Variants in TRPC7 observed in about 807,000 individuals in gnomAD.
The protein encoded by TRPC7 is short transient receptor potential channel 7.
A neutral mutation model predicts 90.1 loss-of-function variants in TRPC7; 42 were observed. That is an observed-to-expected ratio of 0.47 (90% CI 0.36 to 0.60). The LOEUF (loss-of-function observed/expected upper bound fraction) is 0.60. Ranked by LOEUF, TRPC7 falls within the 20% of genes least tolerant of loss-of-function variation. The pLI, the probability that TRPC7 is intolerant of heterozygous loss-of-function variation, is 0.00. For missense variants in TRPC7, 955 were observed against 1,112.3 expected, an observed-to-expected ratio of 0.86 and a Z score of 2.01; for synonymous variants, 451 against 436.3, an observed-to-expected ratio of 1.03 and a Z score of -0.42.
intron 3 of TRPC7, among the ~76,000 whole-genome samples, chr5:136,308,913 T>C (rs1758737604): frequency 6.6e-6 from 1 of 152,156 alleles, no homozygotes; most frequent in Admixed American, 6.5e-5. Flanking sequence ...CTATTAATAG[T>C]TTCATCTGCT....
At chr5:136,250,470 T>C (rs1434005997) in intron 6 of TRPC7, among the ~76,000 whole-genome samples, 2 of 152,344 alleles carry the variant, frequency 1.3e-5, no homozygotes, top group East Asian at 3.9e-4. Context: ...GCCTACTAAG[T>C]GTCCAGCTGC....
intron 7 of TRPC7, among the ~76,000 whole-genome samples, chr5:136,239,770 A>T (rs370745684): frequency 2.0e-5 from 3 of 152,198 alleles, no homozygotes; most frequent in African/African-American, 7.2e-5. Flanking sequence ...CTCCTTTTGT[A>T]GCTGCCTTTC....
chr5:136,318,472 A>G (rs1380835290), intron 2 of TRPC7, among the ~76,000 whole-genome samples: 2 of 152,114 alleles, frequency 1.3e-5, no homozygotes, highest in African/African-American at 2.4e-5. Context: ...GCTCTTCCTT[A>G]TATCTGCCAC....
intron 3 of TRPC7, among the ~76,000 whole-genome samples, chr5:136,307,014 C>T (rs900818659): frequency 6.6e-6 from 1 of 152,084 alleles, no homozygotes; most frequent in Non-Finnish European, 1.5e-5. Flanking sequence ...TTCACACGGA[C>T]ATGCATGAAA....
At chr5:136,325,652 G>A (rs971041652) in intron 2 of TRPC7, among the ~76,000 whole-genome samples, 4 of 152,144 alleles carry the variant, frequency 2.6e-5, no homozygotes, top group African/African-American at 9.7e-5. Context: ...GGAACTTAAG[G>A]CCAATTCATG....
chr5:136,319,210 A>G (rs977900522), intron 2 of TRPC7, among the ~76,000 whole-genome samples: 1 of 152,122 alleles, frequency 6.6e-6, no homozygotes, highest in Non-Finnish European at 1.5e-5. Flanking sequence ...TTTATCAAGA[A>G]ATAGAAGTCA....
At position 136,213,211 on chromosome 5, in the gene TRPC7, C is replaced by A; in HGVS notation, c.*224G>T. The A allele has an allele frequency of 1.8e-6, 1 of 550,272 alleles. No homozygotes were observed. The highest frequency in any genetic ancestry group is 3.1e-5 in the East Asian group (1 of 32,470). 34.1% of individuals were successfully genotyped at this position (550,272 alleles called of 1,614,324 possible). On this transcript the variant is annotated 3_prime_UTR_variant, in exon 12 of 12. Transcript: ENST00000513104. ...TCAGGGGGCTGTTCCTCCCCTCCTCCCATGGTAGCTTTTCTTACCCAACCA... is the reference window on the plus strand; with the variant it reads ...TCAGGGGGCTGTTCCTCCCCTCCTCACATGGTAGCTTTTCTTACCCAACCA...
At chr5:136,359,576 C>T (rs1760502479) in intron 1 of TRPC7, among the ~76,000 whole-genome samples, 1 of 152,156 alleles carries the variant, frequency 6.6e-6, no homozygotes, top group Non-Finnish European at 1.5e-5. Flanking sequence ...GTACCAAAGG[C>T]AGACTGTGGA....
At chr5:136,220,718 C>T (rs1189518792) in intron 10 of TRPC7, among the ~76,000 whole-genome samples, 2 of 152,264 alleles carry the variant, frequency 1.3e-5, no homozygotes, top group South Asian at 4.1e-4. Flanking sequence ...GGCATATGAT[C>T]TTTGTTCTCC....
At chr5:136,292,208 C>T (rs1024111469) in intron 3 of TRPC7, among the ~76,000 whole-genome samples, 2 of 152,144 alleles carry the variant, frequency 1.3e-5, no homozygotes, top group East Asian at 1.9e-4. Flanking sequence ...CTAAAATTGA[C>T]ACCCTAACAT....
intron 2 of TRPC7, among the ~76,000 whole-genome samples, chr5:136,351,544 C>T (rs893822034): frequency 6.6e-6 from 1 of 152,218 alleles, no homozygotes; most frequent in Non-Finnish European, 1.5e-5. Flanking sequence ...TATTCAGCGG[C>T]AGCCCAGGTG....
At chr5:136,227,856 AAAG>A (rs1390470669) in intron 8 of TRPC7, among the ~76,000 whole-genome samples, 2 of 152,212 alleles carry the variant, frequency 1.3e-5, no homozygotes, top group East Asian at 3.9e-4. Flanking sequence ...TGTGAGAATT[AAAG>A]GAGTTAATGC....
intron 10 of TRPC7, among the ~76,000 whole-genome samples, 173 bp from the exon 11 acceptor site, chr5:136,216,448 G>A (rs1348430623): frequency 6.6e-6 from 1 of 152,216 alleles, no homozygotes; most frequent in East Asian, 1.9e-4. Context: ...TACCTGGCCA[G>A]CCTCTGTTTC....
chr5:136,361,257 A>C (rs1216129022), intron 1 of TRPC7, among the ~76,000 whole-genome samples: 1 of 152,198 alleles, frequency 6.6e-6, no homozygotes, highest in Non-Finnish European at 1.5e-5. Flanking sequence ...TGCACATATT[A>C]TTGAGATAAT....
At chr5:136,315,517 T>C in intron 3 of TRPC7, 80 bp downstream of exon 3, 1 of 1,478,564 alleles carries the variant, frequency 6.8e-7, no homozygotes, top group Non-Finnish European at 9.3e-7. Flanking sequence ...GAACATAAAA[T>C]AGACATGAGC....
At chr5:136,306,881 A>G (rs972473907) in intron 3 of TRPC7, among the ~76,000 whole-genome samples, 3 of 152,166 alleles carry the variant, frequency 2.0e-5, no homozygotes, top group Non-Finnish European at 4.4e-5. Context: ...CGCCTATCCC[A>G]AAACCTATAA....
intron 2 of TRPC7, among the ~76,000 whole-genome samples, chr5:136,322,701 T>C (rs968157610): frequency 1.3e-5 from 2 of 152,192 alleles, no homozygotes; most frequent in African/African-American, 4.8e-5. Context: ...TGGTATCTCA[T>C]TGGGATTTTA....
chr5:136,264,785 G>A (rs1580877903), intron 5 of TRPC7, among the ~76,000 whole-genome samples: 1 of 152,080 alleles, frequency 6.6e-6, no homozygotes. Flanking sequence ...TAGAGGCAGG[G>A]TTTCACCATG....
chr5:136,350,562 T>C (rs774903343), intron 2 of TRPC7, among the ~76,000 whole-genome samples: 2 of 152,242 alleles, frequency 1.3e-5, no homozygotes, highest in Non-Finnish European at 2.9e-5. Flanking sequence ...CATTAATGAA[T>C]GGTCTGGGAA....
Sources: allele counts gnomAD v4.1 joint callset (sites outside exome capture counted in the v4.1 genomes callset), GRCh38; gene constraint gnomAD v4.1.1; transcripts MANE v1.5; gene names NCBI Gene and HGNC (gene_info 2026-07-23, HGNC 2026-07-21).